Variants in GPR19 observed in about 807,000 individuals in gnomAD.
GPR19 encodes probable G protein-coupled receptor 19.
Under a neutral mutation model 28.5 loss-of-function variants are expected in GPR19, and 14 were observed. That is an observed-to-expected ratio of 0.49 (90% CI 0.32 to 0.77). The LOEUF (loss-of-function observed/expected upper bound fraction) is 0.77. GPR19 is among the 30% of genes least tolerant of loss of function. GPR19 has a pLI of 0.03. For missense variants in GPR19, 409 were observed against 504.1 expected (o/e 0.81, Z 1.81); for synonymous variants, 173 against 184.1 (o/e 0.94, Z 0.49).
chr12:12,681,872 A>AC (rs1252681380), intron 3 of GPR19, among the ~76,000 whole-genome samples: 2,421 of 152,278 alleles, frequency 0.016, 30 homozygotes, highest in Middle Eastern at 0.048. Context: ...TGCCCCAGGA[A>AC]AATCTTCTTC....
At chr12:12,716,839 G>A in the GPR19 span, 5 of 984,358 alleles carry the variant, frequency 5.1e-6, no homozygotes, top group Non-Finnish European at 6.0e-6. Flanking sequence ...CACGCCGGCG[G>A]GGGGGCGCCC....
chr12:12,703,604 A>G, the GPR19 span, among the ~76,000 whole-genome samples: 1 of 151,950 alleles, frequency 6.6e-6, no homozygotes, highest in African/African-American at 2.4e-5. Flanking sequence ...TGTACTTCCT[A>G]GTTCTTACTG....
At chr12:12,677,688 T>A (rs1227780059) in intron 3 of GPR19, among the ~76,000 whole-genome samples, 1 of 152,196 alleles carries the variant, frequency 6.6e-6, no homozygotes, top group Non-Finnish European at 1.5e-5. Flanking sequence ...ATGGATAATA[T>A]ATATATTCAG....
rs766281850 is a variant in GPR19 at position 12,661,449 on chromosome 12, T to C, written c.1000A>G (p.Asn334Asp). 4.3e-6 allele frequency: 7 copies of C among 1,613,698 alleles called. No homozygotes were observed. The Admixed American group carries it at 1.2e-4, about 27-fold the overall frequency. The stretch of plus-strand genomic sequence containing the variant: ...TTCATCCCTCTCCGAAAATTGGCAT[T>C]ATAAATTGAATACAGAGTAGGTTTA... Reference protein sequence around the residue: ...ASKPTLYSIYNANFRRGMKET... With the variant: ...ASKPTLYSIYDANFRRGMKET... The change falls in exon 4 of 4, where the codon AAT (asparagine) becomes GAT (aspartate). Residue 334 changes from asparagine to aspartate, a missense_variant. Coordinates refer to ENST00000651487, the MANE Select transcript of GPR19 (RefSeq NM_006143.3). The surrounding 1 kb of genome is among the most constrained non-coding windows in gnomAD (Gnocchi z 4.2).
chr12:12,696,153 G>A lies in GPR19; in HGVS notation c.-321C>T, dbSNP rs904783407. 1.3e-5 allele frequency: 2 copies of A among 152,080 alleles called. No individual in the cohort carries two copies. Among genetic ancestry groups the A allele is most frequent in the Non-Finnish European group, 2.9e-5 (2 of 68,008 alleles). 9.4% of individuals were successfully genotyped at this position (152,080 alleles called of 1,614,324 possible). The stretch of plus-strand genomic sequence containing the variant: ...GATCAACGCGACGGACACTCCCCAA[G>A]GGCCAAATCGGACCGCCTCTCACTA... On this transcript the variant is annotated 5_prime_UTR_variant, in exon 1 of 4. Transcript: ENST00000651487.
At chr12:12,662,732 C>G (rs1048179008) in intron 3 of GPR19, among the ~76,000 whole-genome samples, 3 of 152,186 alleles carry the variant, frequency 2.0e-5, no homozygotes, top group African/African-American at 7.2e-5. Flanking sequence ...TTAGTCATAC[C>G]GAGCTCCCCT....
At chr12:12,705,618 G>T in the GPR19 span, among the ~76,000 whole-genome samples, 2 of 151,884 alleles carry the variant, frequency 1.3e-5, no homozygotes, top group African/African-American at 4.8e-5. Context: ...CATGTTTACA[G>T]CTCACTGCAG....
intron 2 of GPR19, among the ~76,000 whole-genome samples, chr12:12,687,393 A>T (rs1946113029): frequency 6.6e-6 from 1 of 152,092 alleles, no homozygotes; most frequent in African/African-American, 2.4e-5. Flanking sequence ...TCAGGTAAAA[A>T]CTTTCCAAGG....
At chr12:12,705,489 C>T in the GPR19 span, among the ~76,000 whole-genome samples, 1 of 152,092 alleles carries the variant, frequency 6.6e-6, no homozygotes, top group East Asian at 1.9e-4. Context: ...TTTGCTAATT[C>T]TCTTAGCATA....
At chr12:12,666,966 A>G (rs1413489880) in intron 3 of GPR19, among the ~76,000 whole-genome samples, 1 of 152,230 alleles carries the variant, frequency 6.6e-6, no homozygotes, top group East Asian at 1.9e-4. Context: ...GTCCTCAGAC[A>G]GGTTCTTGCA....
rs943037822 is a variant in GPR19, at chr12:12,661,552, G to A, written c.897C>T (p.His299=). The A allele has an allele frequency of 6.8e-6, 11 of 1,613,514 alleles. No individual in the cohort carries two copies. In the African/African-American group the frequency reaches 1.2e-4, roughly 18 times the overall value. ...TTTTCTTATAGTCTTGTTCATGGGGGTGCCATAGCTGAGCTACATGAAAAG... is the reference window on the plus strand; with the variant it reads ...TTTTCTTATAGTCTTGTTCATGGGGATGCCATAGCTGAGCTACATGAAAAG... The part of the protein sequence containing the change: ...WLPFHVAQLW[H]PHEQDYKKSS... The change falls in exon 4 of 4, where the codon CAC becomes CAT. Residue 299 remains histidine, a synonymous_variant. Coordinates refer to ENST00000651487, the MANE Select transcript of GPR19 (RefSeq NM_006143.3). The surrounding 1 kb of genome is among the most constrained non-coding windows in gnomAD (Gnocchi z 4.2).
At chr12:12,714,777 G>C in the GPR19 span, among the ~76,000 whole-genome samples, 2 of 152,298 alleles carry the variant, frequency 1.3e-5, no homozygotes, top group Admixed American at 6.5e-5. Context: ...GGACTCCATA[G>C]TATTTTTTTT....
chr12:12,661,917 C>T lies in GPR19; in HGVS notation c.532G>A (p.Glu178Lys). Residue 178 changes from glutamate to lysine, a missense_variant, in exon 4 of 4, where the codon GAA becomes AAA. Physicochemically the swap from Glu to Lys is moderately conservative, Grantham distance 56. Transcript: ENST00000651487. This position sits in a 1 kb window ranked among gnomAD's most constrained non-coding sequence, Gnocchi z 4.2. ...VYPLSFKVSREKAKKMIAASW... is the reference protein window; with the variant it reads ...VYPLSFKVSRKKAKKMIAASW... ...GCCGCAATCATTTTCTTGGCTTTTT[C>T]TCTGGACACCTTGAAGCTCAGAGGA... The T allele has an allele frequency of 1.9e-6, 3 of 1,614,254 alleles. No homozygotes were observed. Among genetic ancestry groups the T allele is most frequent in the Non-Finnish European group, 2.5e-6 (3 of 1,180,046 alleles).
At chr12:12,711,818 C>T in the GPR19 span, among the ~76,000 whole-genome samples, 1 of 152,174 alleles carries the variant, frequency 6.6e-6, no homozygotes, top group East Asian at 1.9e-4. Flanking sequence ...TTCGTCCTCC[C>T]TTTCTCCATC....
At chr12:12,688,395 A>G (rs1381721022) in intron 2 of GPR19, 1 of 152,134 alleles carries the variant, frequency 6.6e-6, no homozygotes, top group African/African-American at 2.4e-5. Context: ...AAGTTATAAG[A>G]TATTATGAGG....
At chr12:12,691,913 A>C (rs758799335) in intron 2 of GPR19, among the ~76,000 whole-genome samples, 6 of 152,250 alleles carry the variant, frequency 3.9e-5, no homozygotes, top group Non-Finnish European at 7.3e-5. Context: ...AGATGTTAAT[A>C]ACTAAAATAT....
chr12:12,681,979 T>C (rs569895801), intron 3 of GPR19, among the ~76,000 whole-genome samples: 9 of 152,310 alleles, frequency 5.9e-5, no homozygotes, highest in Non-Finnish European at 1.2e-4. Context: ...CCCTAGGAAA[T>C]AGTCCTGCAG....
chr12:12,681,032 A>C (rs1946010778), intron 3 of GPR19, among the ~76,000 whole-genome samples: 1 of 152,146 alleles, frequency 6.6e-6, no homozygotes, highest in Non-Finnish European at 1.5e-5. Context: ...TCCTGGGCTC[A>C]AGCAATCCTC....
intron 3 of GPR19, among the ~76,000 whole-genome samples, chr12:12,680,560 G>A (rs1189678269): frequency 6.6e-6 from 1 of 152,132 alleles, no homozygotes; most frequent in Non-Finnish European, 1.5e-5. Context: ...AGGCTGGAGT[G>A]CAGTGGAGTG....
Sources: gnomAD v4.1 joint callset for allele counts (sites outside exome capture counted in the v4.1 genomes callset) on GRCh38, gnomAD v4.1.1 for gene constraint, Gnocchi (gnomAD v3.1) non-coding constraint, MANE v1.5 for transcripts, NCBI Gene and HGNC (gene_info 2026-07-23, HGNC 2026-07-21) for gene names.